The following DGKB variants were observed in gnomAD, a reference collection of about 807,000 sequenced individuals.
DGKB encodes 90 kDa diacylglycerol kinase.
DGKB carries 67 observed loss-of-function variants against 114.3 expected under a neutral mutation model. That is an observed-to-expected ratio of 0.59 (90% confidence interval 0.48 to 0.72). The LOEUF (loss-of-function observed/expected upper bound fraction) is 0.72. Among genes scored for constraint, DGKB ranks in the 30% least tolerant of loss-of-function variants. The pLI is 0.00. For synonymous variants in DGKB, 398 were observed against 323.1 expected (o/e 1.23, Z -2.49); for missense variants, 907 against 975.2 (o/e 0.93, Z 0.93).
intron 15 of DGKB, among the ~76,000 whole-genome samples, chr7:14,616,843 T>C (rs1253520169): frequency 6.6e-6 from 1 of 151,744 alleles, no homozygotes; most frequent in Non-Finnish European, 1.5e-5. Context: ...AAAATACTGA[T>C]GAAGAGAGAA....
intron 23 of DGKB, among the ~76,000 whole-genome samples, chr7:14,258,338 T>C (rs1469263412): frequency 6.6e-6 from 1 of 152,202 alleles, no homozygotes. Context: ...TATAGATTAG[T>C]TTTGTTTGTA....
intron 1 of DGKB, among the ~76,000 whole-genome samples, chr7:14,845,898 C>A (rs951973663): frequency 2.1e-4 from 32 of 151,420 alleles, no homozygotes; most frequent in African/African-American, 7.5e-4. Context: ...CATTATTTCA[C>A]ACATTTTGTG....
chr7:14,476,247 T>C (rs1782154024), intron 21 of DGKB, among the ~76,000 whole-genome samples: 1 of 152,068 alleles, frequency 6.6e-6, no homozygotes, highest in Non-Finnish European at 1.5e-5. Context: ...TACACATTAA[T>C]AGCTATATTC....
chr7:14,961,852 C>G, intron 1 of DGKB, among the ~76,000 whole-genome samples: 1 of 151,988 alleles, frequency 6.6e-6, no homozygotes, highest in Non-Finnish European at 1.5e-5. Flanking sequence ...CTTTGCTAGC[C>G]CCTCTAAACT....
At chr7:14,600,606 A>G (rs1455699376) in intron 17 of DGKB, among the ~76,000 whole-genome samples, 1 of 152,182 alleles carries the variant, frequency 6.6e-6, no homozygotes, top group Non-Finnish European at 1.5e-5. Flanking sequence ...AGGTCCTTCC[A>G]AAGTACAATG....
At chr7:14,839,564 G>A (rs971558812) in intron 2 of DGKB, among the ~76,000 whole-genome samples, 1 of 151,844 alleles carries the variant, frequency 6.6e-6, no homozygotes, top group Non-Finnish European at 1.5e-5. Flanking sequence ...AGCCTGCTGG[G>A]CTAATTTTTT....
At chr7:14,803,133 G>C (rs1479211080) in intron 2 of DGKB, among the ~76,000 whole-genome samples, 2 of 151,702 alleles carry the variant, frequency 1.3e-5, no homozygotes, top group African/African-American at 2.4e-5. Context: ...TTAGAGACAG[G>C]ATCTTATTAT....
intron 4 of DGKB, among the ~76,000 whole-genome samples, chr7:14,746,608 A>G (rs973325587): frequency 3.3e-5 from 5 of 151,970 alleles, no homozygotes; most frequent in Non-Finnish European, 5.9e-5. Context: ...AAGCAATTCT[A>G]CTGCCTCAGC....
intron 20 of DGKB, among the ~76,000 whole-genome samples, chr7:14,485,818 G>A (rs1432295975): frequency 6.6e-6 from 1 of 151,442 alleles, no homozygotes. Context: ...TTGAACCCAG[G>A]AGGCGGAGGT....
At chr7:14,776,491 G>C (rs994925556) in intron 2 of DGKB, among the ~76,000 whole-genome samples, 2 of 152,200 alleles carry the variant, frequency 1.3e-5, no homozygotes, top group Admixed American at 6.5e-5. Flanking sequence ...TGCAGCCTAG[G>C]GACTTGGGGC....
chr7:14,969,203 A>C (rs753400605), intron 1 of DGKB, among the ~76,000 whole-genome samples: 12 of 152,140 alleles, frequency 7.9e-5, no homozygotes, highest in Non-Finnish European at 1.6e-4. Context: ...ATGAATATCA[A>C]CTTCATACTT....
intron 23 of DGKB, among the ~76,000 whole-genome samples, chr7:14,263,358 T>A (rs529926823): frequency 2.7e-4 from 41 of 152,292 alleles, no homozygotes; most frequent in African/African-American, 9.9e-4. Flanking sequence ...TACATAATGA[T>A]GAGATGAACC....
At chr7:14,652,548 T>C (rs1318546272) in intron 13 of DGKB, among the ~76,000 whole-genome samples, 2 of 151,880 alleles carry the variant, frequency 1.3e-5, no homozygotes, top group Non-Finnish European at 2.9e-5. Flanking sequence ...ATAAAAACCC[T>C]AGAAGAAAAC....
At chr7:14,180,397 T>C (rs914829461) in intron 23 of DGKB, among the ~76,000 whole-genome samples, 3 of 152,218 alleles carry the variant, frequency 2.0e-5, no homozygotes, top group Admixed American at 2.0e-4. Flanking sequence ...TTCTTTTAAT[T>C]TGTCTTTGTT....
At chr7:14,632,892 A>G (rs144022035) in intron 13 of DGKB, among the ~76,000 whole-genome samples, 16 of 152,036 alleles carry the variant, frequency 1.1e-4, no homozygotes, top group African/African-American at 3.6e-4. Context: ...ACTTTTCCAA[A>G]TGTGTTCCTT....
intron 20 of DGKB, among the ~76,000 whole-genome samples, chr7:14,513,786 G>A (rs1214421237): frequency 6.6e-6 from 1 of 151,908 alleles, no homozygotes; most frequent in Non-Finnish European, 1.5e-5. Context: ...AAAGCAGAAA[G>A]TTAAAAAGTG....
chr7:14,692,621 T>C (rs1382057486), intron 9 of DGKB, among the ~76,000 whole-genome samples: 5 of 151,458 alleles, frequency 3.3e-5, no homozygotes, highest in African/African-American at 1.2e-4. Context: ...GTATAAGAAA[T>C]TCAGGTACAA....
chr7:14,402,122 T>C (rs1474899976), intron 21 of DGKB, among the ~76,000 whole-genome samples: 2 of 151,726 alleles, frequency 1.3e-5, no homozygotes, highest in African/African-American at 4.8e-5. Context: ...TTTCTATATA[T>C]AGAAATAGAT....
At chr7:14,276,086 T>A (rs1481044283) in intron 23 of DGKB, among the ~76,000 whole-genome samples, 2 of 152,176 alleles carry the variant, frequency 1.3e-5, no homozygotes, top group African/African-American at 2.4e-5. Flanking sequence ...TGGTACAAAG[T>A]TCATATCACT....
Sources: allele counts gnomAD v4.1 joint callset (sites outside exome capture counted in the v4.1 genomes callset), GRCh38; gene constraint gnomAD v4.1.1; transcripts MANE v1.5; gene names NCBI Gene and HGNC (gene_info 2026-07-23, HGNC 2026-07-21).